Variants in PLCB4 observed in about 807,000 individuals in gnomAD.
The protein encoded by PLCB4 is 1-phosphatidylinositol 4,5-bisphosphate phosphodiesterase beta-4.
In PLCB4, 77 loss-of-function variants were observed where a neutral mutation model predicts 178.8. That is an observed-to-expected ratio of 0.43 (90% CI 0.36 to 0.52). The LOEUF (loss-of-function observed/expected upper bound fraction) is 0.52, where lower values mean the gene tolerates loss of function less well. Ranked by LOEUF, PLCB4 falls within the 20% of genes least tolerant of loss-of-function variation. The probability of loss-of-function intolerance (pLI) is 0.00; values close to 1 mark genes in which losing one functional copy is unlikely to be tolerated. For synonymous variants in PLCB4, 496 were observed against 490.8 expected, an observed-to-expected ratio of 1.01 and a Z score of -0.14; for missense variants, 1,024 against 1,453.4, an observed-to-expected ratio of 0.70 and a Z score of 4.80.
intron 32 of PLCB4, among the ~76,000 whole-genome samples, chr20:9,450,638 GTTTTCTTTTC>G (rs200111854): frequency 1.0e-4 from 14 of 139,594 alleles, no homozygotes; most frequent in South Asian, 4.7e-4. Flanking sequence ...ACCTAACTCA[GTTTTCTTTTC>G]TTTTCTTTTC....
At chr20:9,087,886 T>C (rs2146550408) in intron 1 of PLCB4, among the ~76,000 whole-genome samples, 1 of 152,338 alleles carries the variant, frequency 6.6e-6, no homozygotes, top group South Asian at 2.1e-4. Context: ...TCTGTGTCCT[T>C]GTCCAGGCAG....
intron 2 of PLCB4, among the ~76,000 whole-genome samples, chr20:9,148,186 G>A (rs1367603458): frequency 6.6e-6 from 1 of 152,082 alleles, no homozygotes; most frequent in African/African-American, 2.4e-5. Flanking sequence ...GAGGTTAATT[G>A]GGCTCCTTCA....
intron 7 of PLCB4, among the ~76,000 whole-genome samples, chr20:9,346,633 T>G (rs1303157149): frequency 6.6e-6 from 1 of 152,184 alleles, no homozygotes; most frequent in African/African-American, 2.4e-5. Context: ...TGTTAATTGT[T>G]TTTCTTGAAG....
chr20:9,093,337 C>T (rs753845238), intron 1 of PLCB4, among the ~76,000 whole-genome samples: 1 of 152,186 alleles, frequency 6.6e-6, no homozygotes, highest in African/African-American at 2.4e-5. Context: ...ACCCTCCCTC[C>T]TCTGACCCTC....
intron 2 of PLCB4, among the ~76,000 whole-genome samples, chr20:9,118,050 A>G (rs902162020): frequency 1.3e-5 from 2 of 152,098 alleles, no homozygotes; most frequent in African/African-American, 2.4e-5. Flanking sequence ...AGTGTTGACT[A>G]TCATTATATA....
At chr20:9,388,650 T>C (rs1037844894) in intron 15 of PLCB4, among the ~76,000 whole-genome samples, 3 of 152,138 alleles carry the variant, frequency 2.0e-5, no homozygotes, top group Non-Finnish European at 4.4e-5. Context: ...AGGCAGAGGT[T>C]GCAGTGAAAC....
At chr20:9,468,712 C>A in intron 36 of PLCB4, 40 bp downstream of exon 36, 1 of 1,123,262 alleles carries the variant, frequency 8.9e-7, no homozygotes, top group Non-Finnish European at 1.4e-6. Flanking sequence ...ATGGCATTGA[C>A]TTGAGGACAC....
At chr20:9,162,381 A>G (rs1348256900) in intron 2 of PLCB4, among the ~76,000 whole-genome samples, 1 of 152,230 alleles carries the variant, frequency 6.6e-6, no homozygotes, top group Non-Finnish European at 1.5e-5. Flanking sequence ...GCAAGAGGAA[A>G]GAGAGAAGCA....
intron 2 of PLCB4, among the ~76,000 whole-genome samples, chr20:9,185,405 G>A (rs2093315694): frequency 6.6e-6 from 1 of 152,020 alleles, no homozygotes; most frequent in Admixed American, 6.6e-5. Context: ...ACTCACACGT[G>A]GTATGGTAAA....
Position 9,391,670 on chromosome 20 carries a change from T to C in PLCB4, c.1323+1055T>C, listed in dbSNP as rs574980377. Among the ~76,000 whole-genome samples, 5 of 152,352 alleles carry C rather than the reference T, an allele frequency of 3.3e-5. No individual in the cohort carries two copies. In the South Asian group the frequency reaches 1.0e-3, roughly 32 times the overall value. ...CTGCCCATATCCTTGCAGTGCCTCC[T>C]GTTTCCCTGAACACTGGCCTGACTT... On this transcript the variant is annotated intron_variant, in intron 17 of 39. Transcript: ENST00000378473.
intron 1 of PLCB4, among the ~76,000 whole-genome samples, chr20:9,089,923 A>G (rs1340843554): frequency 6.6e-6 from 1 of 152,172 alleles, no homozygotes; most frequent in African/African-American, 2.4e-5. Flanking sequence ...AATGCAAGGG[A>G]GATGCTTTTG....
At chr20:9,368,313 A>G (rs1370816600) in intron 9 of PLCB4, among the ~76,000 whole-genome samples, 1 of 152,208 alleles carries the variant, frequency 6.6e-6, no homozygotes, top group Non-Finnish European at 1.5e-5. Context: ...TAACCCATGC[A>G]GTCTGCCTTT....
At chr20:9,155,197 T>G (rs1198439269) in intron 2 of PLCB4, among the ~76,000 whole-genome samples, 1 of 150,918 alleles carries the variant, frequency 6.6e-6, no homozygotes, top group Admixed American at 6.6e-5. Flanking sequence ...TGAGAACATG[T>G]GGTTTTTGAT....
chr20:9,212,964 T>C (rs1427386213), intron 2 of PLCB4, among the ~76,000 whole-genome samples: 1 of 152,016 alleles, frequency 6.6e-6, no homozygotes, highest in Non-Finnish European at 1.5e-5. Flanking sequence ...CAATCTAACC[T>C]TTGAATCTTC....
At chr20:9,085,324 G>A (rs1219108856) in intron 1 of PLCB4, among the ~76,000 whole-genome samples, 1 of 152,078 alleles carries the variant, frequency 6.6e-6, no homozygotes, top group Non-Finnish European at 1.5e-5. Context: ...GAGTTTATTT[G>A]AATACATTAG....
chr20:9,464,378 G>T (rs761651575), intron 35 of PLCB4, among the ~76,000 whole-genome samples: 2 of 152,088 alleles, frequency 1.3e-5, no homozygotes, highest in Non-Finnish European at 1.5e-5. Context: ...AACTAGAGAC[G>T]CAAGAGCAAA....
chr20:9,107,567 G>C (rs2091413072), intron 2 of PLCB4, among the ~76,000 whole-genome samples: 1 of 152,118 alleles, frequency 6.6e-6, no homozygotes. Context: ...AATGCCATAA[G>C]GCAGAGGTGA....
intron 1 of PLCB4, among the ~76,000 whole-genome samples, chr20:9,088,802 T>C (rs2090551798): frequency 1.3e-5 from 2 of 152,170 alleles, no homozygotes; most frequent in African/African-American, 2.4e-5. Flanking sequence ...GCACTTCTGC[T>C]GGAAATCTCT....
chr20:9,178,027 A>G (rs2093183607), intron 2 of PLCB4, among the ~76,000 whole-genome samples: 1 of 152,232 alleles, frequency 6.6e-6, no homozygotes, highest in Admixed American at 6.5e-5. Context: ...AAATCGTTAA[A>G]AATAATTTTG....
Sources: allele counts gnomAD v4.1 joint callset (sites outside exome capture counted in the v4.1 genomes callset), GRCh38; gene constraint gnomAD v4.1.1; transcripts MANE v1.5; gene names NCBI Gene and HGNC (gene_info 2026-07-23, HGNC 2026-07-21).